LSG1: variants seen among roughly 807,000 people sequenced by gnomAD.
LSG1 encodes large subunit GTPase 1 homolog.
A neutral mutation model predicts 82.6 loss-of-function variants in LSG1; 55 were observed. The ratio of observed to expected loss-of-function variants is 0.67; its 90% confidence interval spans 0.54 to 0.83. The LOEUF (loss-of-function observed/expected upper bound fraction) is 0.83, where lower values mean the gene tolerates loss of function less well. LSG1 is among the 40% of genes least tolerant of loss of function. The pLI, the probability that LSG1 is intolerant of heterozygous loss-of-function variation, is 0.00. For synonymous variants in LSG1, 272 were observed against 282.5 expected (o/e 0.96, Z 0.37); for missense variants, 809 against 807.9 (o/e 1.00, Z -0.02).
chr3:194,644,480 G>T, intron 13 of LSG1, 93 bp downstream of exon 13: 1 of 747,796 alleles, frequency 1.3e-6, no homozygotes, highest in Non-Finnish European at 2.0e-6. Flanking sequence ...CCTTTTTGGG[G>T]TTAATAAAAT....
At chr3:194,648,389 TTTC>T (rs898040458) in intron 11 of LSG1, among the ~76,000 whole-genome samples, 3 of 152,052 alleles carry the variant, frequency 2.0e-5, no homozygotes, top group African/African-American at 7.2e-5. Context: ...ACACATCCGC[TTTC>T]TTCTTGTTTG....
rs774709109 is a variant in LSG1, at chr3:194,642,107, T to G, written c.1938A>C (p.Lys646Asn). 42 of 1,613,332 alleles carry G rather than the reference T, an allele frequency of 2.6e-5. No homozygotes were observed. Among genetic ancestry groups the G allele is most frequent in the South Asian group, 4.4e-5 (4 of 91,048 alleles). Residue 646 changes from lysine (K) to asparagine (N), a missense_variant, in exon 14 of 14, where the codon AAA becomes AAC. Physicochemically the swap from Lys to Asn is moderately conservative, Grantham distance 94. Coordinates refer to ENST00000265245, the MANE Select transcript of LSG1 (RefSeq NM_018385.3). Reference sequence around the variant, plus strand: ...GCTTGTAGAGTCTACGACTTTTTTCTTTTTTATTTCTGTTGCCATGTTTTT... The same window carrying G: ...GCTTGTAGAGTCTACGACTTTTTTCGTTTTTATTTCTGTTGCCATGTTTTT... Reference protein sequence around the residue: ...PWKKHGNRNKKEKSRRLYKHL... With the variant: ...PWKKHGNRNKNEKSRRLYKHL...
chr3:194,651,120 AGTGCTTT>A lies in LSG1; in HGVS notation c.1263_1269del (p.Lys422PhefsTer19), dbSNP rs1560222256. 2 of 1,614,196 alleles carry A rather than the reference AGTGCTTT, an allele frequency of 1.2e-6. No homozygotes were observed. Among genetic ancestry groups the A allele is most frequent in the Admixed American group, 3.3e-5 (2 of 60,030 alleles). On this transcript the variant is annotated frameshift_variant, in exon 9 of 14. Coordinates refer to ENST00000265245, the MANE Select transcript of LSG1 (RefSeq NM_018385.3). LOFTEE classifies it high-confidence loss of function. ...GCAAAGCACCACAGAAATACCTGAA[AGTGCTTT>A]GTGTGACCAGGTGTGGCAGACACAG...
chr3:194,647,952 A>G (rs1286382917), intron 11 of LSG1, among the ~76,000 whole-genome samples: 2 of 152,170 alleles, frequency 1.3e-5, no homozygotes, highest in Non-Finnish European at 2.9e-5. Flanking sequence ...AGTGTGATTC[A>G]TATCAAATCA....
At chr3:194,648,646 C>T (rs374636631) in intron 11 of LSG1, 35 bp downstream of exon 11, 262 of 1,610,328 alleles carry the variant, frequency 1.6e-4, no homozygotes, top group Non-Finnish European at 2.1e-4. Flanking sequence ...TATACTGTTA[C>T]TTTTGTTCAC....
intron 13 of LSG1, among the ~76,000 whole-genome samples, chr3:194,643,817 T>A (rs192968981): frequency 6.6e-6 from 1 of 152,140 alleles, no homozygotes; most frequent in South Asian, 2.1e-4. Flanking sequence ...AAATGATAAA[T>A]AGATAAACAA....
At chr3:194,650,331 A>C (rs1021202878) in intron 10 of LSG1, among the ~76,000 whole-genome samples, 6 of 152,140 alleles carry the variant, frequency 3.9e-5, no homozygotes, top group Non-Finnish European at 7.4e-5. Context: ...CAGAGTTCCT[A>C]ATTTACTGCT....
intron 2 of LSG1, among the ~76,000 whole-genome samples, chr3:194,668,599 T>C (rs1429167103): frequency 1.3e-5 from 2 of 152,240 alleles, no homozygotes; most frequent in Admixed American, 6.5e-5. Context: ...TTCCTCTTAT[T>C]TTCTCCCTTC....
intron 1 of LSG1, chr3:194,671,825 T>C: frequency 1.8e-6 from 1 of 558,624 alleles, no homozygotes; most frequent in Non-Finnish European, 3.1e-6. Context: ...TGAAGACTCT[T>C]CAGATTCTCA....
chr3:194,648,571 T>C (rs1404481721), intron 11 of LSG1, 110 bp downstream of exon 11: 9 of 1,211,516 alleles, frequency 7.4e-6, no homozygotes, highest in Admixed American at 2.3e-5. Flanking sequence ...AGAAATATTA[T>C]AAATGTGTAT....
intron 12 of LSG1, chr3:194,645,539 C>CACACACACACACAG: frequency 3.1e-5 from 1 of 32,406 alleles, no homozygotes; most frequent in African/African-American, 1.0e-4. Flanking sequence ...CAGACAGACA[C>CACACACACACACAG]ACACACACAC....
At chr3:194,665,686 T>A (rs558821830) in intron 4 of LSG1, 43 bp from the exon 5 acceptor site, 6 of 1,225,798 alleles carry the variant, frequency 4.9e-6, no homozygotes, top group African/African-American at 1.5e-5. Context: ...CAGATTATAA[T>A]AGACAATTTT....
intron 8 of LSG1, among the ~76,000 whole-genome samples, chr3:194,652,018 A>G (rs887328473): frequency 2.6e-5 from 4 of 152,182 alleles, no homozygotes; most frequent in Admixed American, 6.5e-5. Context: ...AAAACTAACT[A>G]GGATTAGCTA....
intron 4 of LSG1, 32 bp downstream of exon 4, chr3:194,666,171 A>G: frequency 6.4e-7 from 1 of 1,570,554 alleles, no homozygotes. Context: ...CAGGATTTCA[A>G]AGTAAGTCTT....
At chr3:194,671,892 CTGGGCCT>C in intron 1 of LSG1, 165 bp downstream of exon 1, 1 of 674,160 alleles carries the variant, frequency 1.5e-6, no homozygotes, top group South Asian at 1.6e-5. Flanking sequence ...CCTTTGTGTT[CTGGGCCT>C]TGCCAGGAGG....
At chr3:194,652,347 T>C (rs148500844) in intron 8 of LSG1, among the ~76,000 whole-genome samples, 1 of 152,350 alleles carries the variant, frequency 6.6e-6, no homozygotes, top group Non-Finnish European at 1.5e-5. Context: ...CTATTAAGCA[T>C]CTGGAACATT....
Position 194,642,082 on chromosome 3 carries a change from G to A in LSG1, c.1963C>T (p.His655Tyr). 1.2e-6 allele frequency: 2 copies of A among 1,612,536 alleles called. No individual in the cohort carries two copies. Among genetic ancestry groups the A allele is most frequent in the Non-Finnish European group, 1.7e-6 (2 of 1,180,004 alleles). The change falls in exon 14 of 14, where the codon CAC (histidine) becomes TAC (tyrosine). Residue 655 changes from histidine to tyrosine, a missense_variant. His to Tyr is a moderately conservative substitution (Grantham distance 83). Coordinates refer to ENST00000265245, the MANE Select transcript of LSG1 (RefSeq NM_018385.3). ...GCAGCCCAACCTCACATATCCAGGT[G>A]CTTGTAGAGTCTACGACTTTTTTCT... ...KKEKSRRLYK[H>Y]LDM
intron 6 of LSG1, among the ~76,000 whole-genome samples, chr3:194,659,371 G>A (rs1718875145): frequency 1.3e-5 from 2 of 152,156 alleles, no homozygotes; most frequent in African/African-American, 4.8e-5. Flanking sequence ...GGCCAGGCAT[G>A]GGGGCTCACG....
At position 194,642,214 on chromosome 3, in the gene LSG1, C is replaced by T. The variant is rs535188712; in HGVS notation, c.1831G>A (p.Ala611Thr). The change falls in exon 14 of 14, where the codon GCT becomes ACT. Residue 611 changes from alanine (A) to threonine (T), a missense_variant. Ala to Thr is a moderately conservative substitution (Grantham distance 58, BLOSUM62 0). Transcript: ENST00000265245. The part of the protein sequence containing the change: ...NVRALTKGVQ[A>T]VMGYKPGSGV... The stretch of plus-strand genomic sequence containing the variant: ...CTCCCGGGCTTGTAACCCATCACAG[C>T]CTGGACTCCTTTGGTCAAAGCCCTC... 6 of 1,614,046 alleles carry T rather than the reference C, an allele frequency of 3.7e-6. No homozygotes were observed. The African/African-American group carries it at 4.0e-5, about 11-fold the overall frequency.
Sources: gnomAD v4.1 joint callset for allele counts (sites outside exome capture counted in the v4.1 genomes callset) on GRCh38, gnomAD v4.1.1 for gene constraint, MANE v1.5 for transcripts, NCBI Gene and HGNC (gene_info 2026-07-23, HGNC 2026-07-21) for gene names.